The following SFMBT2 variants were observed in gnomAD, a reference collection of about 807,000 sequenced individuals.
SFMBT2 encodes the protein scm-like with four MBT domains protein 2.
In SFMBT2, 38 loss-of-function variants were observed where a neutral mutation model predicts 110.1. The ratio of observed to expected loss-of-function variants is 0.35; its 90% confidence interval spans 0.27 to 0.45. The LOEUF (loss-of-function observed/expected upper bound fraction) is 0.45. Ranked by LOEUF, SFMBT2 falls within the 20% of genes least tolerant of loss-of-function variation. SFMBT2 has a pLI of 1.00. For missense variants in SFMBT2, 1,011 were observed against 1,094.9 expected (o/e 0.92, Z 1.08); for synonymous variants, 425 against 425.4 (o/e 1.00, Z 0.01).
At chr10:7,188,114 A>G (rs1838476658) in intron 16 of SFMBT2, among the ~76,000 whole-genome samples, 1 of 152,228 alleles carries the variant, frequency 6.6e-6, no homozygotes, top group Non-Finnish European at 1.5e-5. Flanking sequence ...AAATAAAAGA[A>G]AGTTACTTGA....
In SFMBT2 at chr10:7,227,017, C is replaced by T. The variant is rs570336156; in HGVS notation, c.1203+838G>A. Among the ~76,000 whole-genome samples, 6 of 152,242 alleles carry T rather than the reference C, an allele frequency of 3.9e-5. No individual in the cohort carries two copies. The South Asian group carries it at 1.2e-3, about 32-fold the overall frequency. ...GCATGACTGTAGTTTATAAAACGAC[C>T]TCCAATAACTCTGTAAGTACACGCA... On this transcript the variant is annotated intron_variant, in intron 10 of 20. Transcript: ENST00000397167.
At chr10:7,183,739 C>T (rs1351440993) in intron 16 of SFMBT2, among the ~76,000 whole-genome samples, 3 of 152,224 alleles carry the variant, frequency 2.0e-5, no homozygotes, top group Non-Finnish European at 4.4e-5. Flanking sequence ...AACATTAGCA[C>T]AAACTTTCTT....
At chr10:7,251,661 T>G (rs1840815854) in intron 7 of SFMBT2, among the ~76,000 whole-genome samples, 1 of 152,228 alleles carries the variant, frequency 6.6e-6, no homozygotes, top group African/African-American at 2.4e-5. Context: ...TCAGCAAGTC[T>G]AAGCAGTCAT....
intron 9 of SFMBT2, among the ~76,000 whole-genome samples, chr10:7,236,316 A>G (rs968529818): frequency 6.6e-6 from 1 of 152,212 alleles, no homozygotes; most frequent in African/African-American, 2.4e-5. Flanking sequence ...AAATTAATGT[A>G]CAAGAATGGC....
chr10:7,284,614 C>T (rs768449589), intron 5 of SFMBT2: 11 of 271,176 alleles, frequency 4.1e-5, no homozygotes, highest in South Asian at 2.6e-4. Flanking sequence ...CTCTACTGGC[C>T]GCTACTCTAA....
intron 20 of SFMBT2, chr10:7,164,293 G>A (rs1012242422): frequency 1.6e-4 from 99 of 618,536 alleles, no homozygotes; most frequent in Non-Finnish European, 1.9e-4. Context: ...GGCTGAGGTG[G>A]GAGGATCACC....
At chr10:7,284,465 T>G in intron 5 of SFMBT2, 1 of 1,077,494 alleles carries the variant, frequency 9.3e-7, no homozygotes, top group African/African-American at 1.7e-5. Flanking sequence ...ACAATCAGTA[T>G]GCTTTTAAGA....
intron 4 of SFMBT2, among the ~76,000 whole-genome samples, chr10:7,361,588 A>G (rs891007686): frequency 1.3e-5 from 2 of 152,272 alleles, no homozygotes; most frequent in Non-Finnish European, 2.9e-5. Context: ...CCTTTATTCA[A>G]ATGAGTTGTA....
chr10:7,163,706 C>T lies in SFMBT2; in HGVS notation c.*64G>A. 1.4e-6 allele frequency: 2 copies of T among 1,444,780 alleles called. No individual in the cohort carries two copies. Among genetic ancestry groups the T allele is most frequent in the South Asian group, 1.2e-5 (1 of 82,168 alleles). The allele number at this position is 1,444,780 out of a possible 1,614,324, so 89.5% of individuals were successfully genotyped here. The stretch of plus-strand genomic sequence containing the variant: ...AACATATCCCGGAAAATCAAAGTTT[C>T]AGTCCTGGAAACCTTTACCAACACC... On this transcript the variant is annotated 3_prime_UTR_variant, in exon 21 of 21. Transcript: ENST00000397167. The surrounding 1 kb of genome is among the most constrained non-coding windows in gnomAD (Gnocchi z 4.8).
chr10:7,314,960 AAGAGAG>A (rs771791946), intron 4 of SFMBT2, among the ~76,000 whole-genome samples: 1 of 148,368 alleles, frequency 6.7e-6, no homozygotes, highest in Admixed American at 6.7e-5. Context: ...AGAGAAAGAA[AAGAGAG>A]AGAGAGAGAG....
chr10:7,217,812 C>T (rs1839590480), intron 11 of SFMBT2, among the ~76,000 whole-genome samples: 1 of 152,210 alleles, frequency 6.6e-6, no homozygotes, highest in African/African-American at 2.4e-5. Context: ...CAGCAGAACA[C>T]TGACCTAGGA....
At chr10:7,200,012 G>T (rs566513682) in intron 14 of SFMBT2, among the ~76,000 whole-genome samples, 1 of 152,288 alleles carries the variant, frequency 6.6e-6, no homozygotes, top group African/African-American at 2.4e-5. Context: ...AAAGCTCGGG[G>T]CGACTTAAAT....
At chr10:7,169,651 C>G (rs377722153) in intron 20 of SFMBT2, among the ~76,000 whole-genome samples, 1 of 152,030 alleles carries the variant, frequency 6.6e-6, no homozygotes, top group Admixed American at 6.5e-5. Context: ...ACCAGGACAA[C>G]GCAAGAAACT....
intron 9 of SFMBT2, among the ~76,000 whole-genome samples, chr10:7,229,987 G>A (rs1374530354): frequency 6.6e-6 from 1 of 150,448 alleles, no homozygotes; most frequent in Non-Finnish European, 1.5e-5. Context: ...AAAGTGCTGG[G>A]ATTACAGACA....
At chr10:7,284,974 A>C (rs1430297388) in intron 5 of SFMBT2, 1 of 152,260 alleles carries the variant, frequency 6.6e-6, no homozygotes. Context: ...TAACAAATAC[A>C]TCAGGCAAAA....
chr10:7,390,191 T>C (rs1304244235), intron 1 of SFMBT2, among the ~76,000 whole-genome samples: 1 of 152,164 alleles, frequency 6.6e-6, no homozygotes, highest in Non-Finnish European at 1.5e-5. Context: ...TTTAATGACC[T>C]TGAATTGAAC....
chr10:7,305,526 A>C (rs1302869726), intron 4 of SFMBT2, among the ~76,000 whole-genome samples: 1 of 152,226 alleles, frequency 6.6e-6, no homozygotes, highest in East Asian at 1.9e-4. Context: ...GCAAGCATTG[A>C]ACAAGAAAAT....
chr10:7,396,128 G>T (rs142983423), intron 1 of SFMBT2, among the ~76,000 whole-genome samples: 7 of 152,276 alleles, frequency 4.6e-5, no homozygotes, highest in African/African-American at 1.7e-4. Context: ...CCAGCTACTA[G>T]GGAGGCTGGA....
chr10:7,323,524 T>C (rs117600310), intron 4 of SFMBT2, among the ~76,000 whole-genome samples: 28 of 141,122 alleles, frequency 2.0e-4, no homozygotes, highest in Non-Finnish European at 3.7e-4. Context: ...GCAGTTGCCA[T>C]AGAAGACAAA....
Sources: gnomAD v4.1 joint callset for allele counts (sites outside exome capture counted in the v4.1 genomes callset) on GRCh38, gnomAD v4.1.1 for gene constraint, Gnocchi (gnomAD v3.1) non-coding constraint, MANE v1.5 for transcripts, NCBI Gene and HGNC (gene_info 2026-07-23, HGNC 2026-07-21) for gene names.